Variants in DSCAM observed in about 807,000 individuals in gnomAD.
DSCAM encodes DS cell adhesion molecule, also known as cell adhesion molecule DSCAM.
DSCAM carries 47 observed loss-of-function variants against 217.7 expected under a neutral mutation model. The ratio of observed to expected loss-of-function variants is 0.22; its 90% CI spans 0.17 to 0.28. The LOEUF is 0.28. Ranked by LOEUF, DSCAM falls within the 10% of genes least tolerant of loss-of-function variation. The probability of loss-of-function intolerance (pLI) is 1.00; values close to 1 mark genes in which losing one functional copy is unlikely to be tolerated. For synonymous variants in DSCAM, 1,056 were observed against 1,015.3 expected, an observed-to-expected ratio of 1.04 and a Z score of -0.76; for missense variants, 2,080 against 2,618.3, an observed-to-expected ratio of 0.79 and a Z score of 4.49.
chr21:40,845,565 C>CTCTCTCTCTCTG (rs2092138032), intron 1 of DSCAM, among the ~76,000 whole-genome samples: 8 of 150,774 alleles, frequency 5.3e-5, no homozygotes, highest in Admixed American at 4.6e-4. Context: ...CTCTCTCTCT[C>CTCTCTCTCTCTG]TCTCTGTCTC....
chr21:40,662,156 C>T (rs2090145527), intron 3 of DSCAM, among the ~76,000 whole-genome samples: 1 of 152,052 alleles, frequency 6.6e-6, no homozygotes, highest in Non-Finnish European at 1.5e-5. Context: ...AAACACAACA[C>T]TGTGAAAAGA....
chr21:40,363,572 T>C (rs1396410459), intron 4 of DSCAM, among the ~76,000 whole-genome samples: 2 of 152,114 alleles, frequency 1.3e-5, no homozygotes, highest in Non-Finnish European at 2.9e-5. Context: ...ATAGTTTCTA[T>C]TGGAATTTGA....
At chr21:40,763,321 C>A (rs1410506490) in intron 1 of DSCAM, among the ~76,000 whole-genome samples, 1 of 152,110 alleles carries the variant, frequency 6.6e-6, no homozygotes, top group East Asian at 1.9e-4. Context: ...AGAACTAAAT[C>A]ATGAGTGAAC....
Position 40,013,078 on chromosome 21 carries a change from A to G in DSCAM, c.5995T>C (p.Leu1999=). Residue 1999 remains leucine, a synonymous_variant, in exon 33 of 33, where the codon TTG becomes CTG. Transcript: ENST00000400454. Reference sequence around the variant, plus strand: ...TTTGCGTAAGGATTGTTTCCTTTCAAATGGCCCCGGGAGTCGAGCAGTGAT... The same window carrying G: ...TTTGCGTAAGGATTGTTTCCTTTCAGATGGCCCCGGGAGTCGAGCAGTGAT... ...QESLLDSRGH[L]KGNNPYAKSY... 1 of 1,562,942 alleles carries G rather than the reference A, an allele frequency of 6.4e-7. No homozygotes were observed. The highest frequency in any genetic ancestry group is 1.2e-5 in the South Asian group (1 of 82,082).
At chr21:40,599,770 G>T (rs1428817374) in intron 3 of DSCAM, among the ~76,000 whole-genome samples, 5 of 151,974 alleles carry the variant, frequency 3.3e-5, no homozygotes, top group Non-Finnish European at 7.4e-5. Context: ...ACGATAAAGG[G>T]GATATCACCA....
intron 3 of DSCAM, among the ~76,000 whole-genome samples, chr21:40,418,419 G>A (rs1337100549): frequency 6.6e-6 from 1 of 152,174 alleles, no homozygotes; most frequent in Non-Finnish European, 1.5e-5. Flanking sequence ...TATGATATCT[G>A]TAAATCCAAT....
Position 40,012,919 on chromosome 21 carries a change from T to TTTA in DSCAM, c.*114_*115insTAA. The TTTA allele has an allele frequency of 2.6e-6, 2 of 759,520 alleles. No individual in the cohort carries two copies. Among genetic ancestry groups the TTTA allele is most frequent in the Non-Finnish European group, 1.9e-6 (1 of 538,428 alleles). 47.0% of individuals were successfully genotyped at this position (759,520 alleles called of 1,614,324 possible). ...TTCAGTATTTTCTCTTTTTTTTTTT[T>TTTA]AATATATTTTGGCAATTTTCTTTAA... On this transcript the variant is annotated 3_prime_UTR_variant, in exon 33 of 33. Transcript: ENST00000400454.
chr21:40,305,228 A>G (rs1426177657), intron 9 of DSCAM, among the ~76,000 whole-genome samples: 1 of 152,020 alleles, frequency 6.6e-6, no homozygotes, highest in East Asian at 1.9e-4. Flanking sequence ...TGTCTCTACT[A>G]AAAATAAAAA....
intron 3 of DSCAM, among the ~76,000 whole-genome samples, chr21:40,646,630 A>C (rs4818148): frequency 1.3e-5 from 2 of 152,208 alleles, no homozygotes; most frequent in Non-Finnish European, 2.9e-5. Context: ...AACATGAAGC[A>C]TGTAAAAGCG....
In DSCAM at chr21:40,378,387, C is replaced by G. The variant is rs1351039978; in HGVS notation, c.509-9142G>C. On this transcript the variant is annotated intron_variant, in intron 3 of 32. Coordinates refer to ENST00000400454, the MANE Select transcript of DSCAM (RefSeq NM_001389.5). ...TAGGTGGGCATGTAAATTGGTGAAGCCTTTTGATTTTTGAAGGGCAACTTG... is the reference window on the plus strand; with the variant it reads ...TAGGTGGGCATGTAAATTGGTGAAGGCTTTTGATTTTTGAAGGGCAACTTG... Among the ~76,000 whole-genome samples, 3 of 152,002 alleles carry G rather than the reference C, an allele frequency of 2.0e-5. No homozygotes were observed. The South Asian group carries it at 6.2e-4, about 32-fold the overall frequency.
chr21:40,077,381 C>T (rs1411250819), intron 26 of DSCAM, among the ~76,000 whole-genome samples: 2 of 152,128 alleles, frequency 1.3e-5, no homozygotes, highest in Non-Finnish European at 2.9e-5. Context: ...GAAGAGCCAG[C>T]CCTGGGCCAT....
At chr21:40,536,861 G>A (rs1283906234) in intron 3 of DSCAM, among the ~76,000 whole-genome samples, 2 of 152,170 alleles carry the variant, frequency 1.3e-5, no homozygotes, top group Non-Finnish European at 2.9e-5. Flanking sequence ...TAAAGCTCTC[G>A]AATTTTAAAA....
chr21:40,456,323 T>C (rs1279006968), intron 3 of DSCAM, among the ~76,000 whole-genome samples: 2 of 151,924 alleles, frequency 1.3e-5, no homozygotes, highest in African/African-American at 2.4e-5. Flanking sequence ...TAAAAAAAAG[T>C]AAATTAAAAT....
chr21:40,705,560 C>T (rs1459708378), intron 2 of DSCAM, among the ~76,000 whole-genome samples: 1 of 152,148 alleles, frequency 6.6e-6, no homozygotes, highest in African/African-American at 2.4e-5. Context: ...TGGCATAAGG[C>T]ACCTCTTCAC....
intron 20 of DSCAM, among the ~76,000 whole-genome samples, chr21:40,099,125 T>C (rs1347829492): frequency 6.6e-6 from 1 of 152,244 alleles, no homozygotes; most frequent in Non-Finnish European, 1.5e-5. Flanking sequence ...TTAAGATATA[T>C]TTATAAAATA....
intron 3 of DSCAM, among the ~76,000 whole-genome samples, chr21:40,418,487 T>C (rs2075392862): frequency 6.6e-6 from 1 of 152,206 alleles, no homozygotes. Context: ...GGAGGGTGTT[T>C]AGGTTATGTG....
At chr21:40,556,815 G>A (rs1204590248) in intron 3 of DSCAM, among the ~76,000 whole-genome samples, 1 of 152,248 alleles carries the variant, frequency 6.6e-6, no homozygotes, top group East Asian at 1.9e-4. Flanking sequence ...TCCAACATCA[G>A]GGGTCAAATC....
chr21:40,473,821 C>T (rs898509765), intron 3 of DSCAM, among the ~76,000 whole-genome samples: 6 of 152,112 alleles, frequency 3.9e-5, no homozygotes, highest in Non-Finnish European at 4.4e-5. Context: ...AGGACAACCA[C>T]GTTAGGACAC....
At chr21:40,349,735 T>A (rs1417070315) in intron 5 of DSCAM, among the ~76,000 whole-genome samples, 1 of 152,104 alleles carries the variant, frequency 6.6e-6, no homozygotes, top group African/African-American at 2.4e-5. Flanking sequence ...AAAACAAAAT[T>A]TTTGGTGAAA....
Sources: allele counts gnomAD v4.1 joint callset (sites outside exome capture counted in the v4.1 genomes callset), GRCh38; gene constraint gnomAD v4.1.1; transcripts MANE v1.5; gene names NCBI Gene and HGNC (gene_info 2026-07-23, HGNC 2026-07-21).